PTPRN2: variants seen among roughly 807,000 people sequenced by gnomAD.
PTPRN2 encodes the protein receptor-type tyrosine-protein phosphatase N2.
In PTPRN2, 74 loss-of-function variants were observed where a neutral mutation model predicts 118.8. The ratio of observed to expected loss-of-function variants is 0.62; its 90% CI spans 0.52 to 0.76. The LOEUF (loss-of-function observed/expected upper bound fraction) is 0.76, where lower values mean the gene tolerates loss of function less well. Ranked by LOEUF, PTPRN2 falls within the 30% of genes least tolerant of loss-of-function variation. The pLI is 0.00. For missense variants in PTPRN2, 1,481 were observed against 1,394.4 expected, an observed-to-expected ratio of 1.06 and a Z score of -0.99; for synonymous variants, 641 against 608.0, an observed-to-expected ratio of 1.05 and a Z score of -0.80.
intron 2 of PTPRN2, among the ~76,000 whole-genome samples, chr7:158,426,068 G>A (rs866935362): frequency 2.5e-4 from 1 of 4,024 alleles, no homozygotes. Context: ...CGCGGGGTCC[G>A]AGTCCAGCCT....
In PTPRN2 at chr7:157,813,558, C is replaced by T. The variant is rs1806191230; in HGVS notation, c.1788+85115G>A. Among the ~76,000 whole-genome samples the T allele has an allele frequency of 6.6e-6, 1 of 152,160 alleles. No individual in the cohort carries two copies. The highest frequency in any genetic ancestry group is 2.4e-5 in the African/African-American group (1 of 41,424). ...TCCTACTCGTATAAAAAAGAAAGTT[C>T]AAATGCGCAGAAGAAAGATCAGAGG... On this transcript the variant is annotated intron_variant, in intron 12 of 22. Transcript: ENST00000389418. The surrounding 1 kb of genome is among the most constrained non-coding windows in gnomAD (Gnocchi z 4.7).
chr7:157,988,679 G>A (rs914007217), intron 11 of PTPRN2, among the ~76,000 whole-genome samples: 5 of 152,308 alleles, frequency 3.3e-5, no homozygotes, highest in Non-Finnish European at 4.4e-5. Context: ...GGATGCACAG[G>A]CGAGAAATGC....
At chr7:157,602,504 A>G (rs1202626611) in intron 16 of PTPRN2, among the ~76,000 whole-genome samples, 1 of 151,724 alleles carries the variant, frequency 6.6e-6, no homozygotes, top group Non-Finnish European at 1.5e-5. Context: ...CGCCGAGACC[A>G]GCAGAGCCGA....
intron 17 of PTPRN2, among the ~76,000 whole-genome samples, chr7:157,580,579 C>A (rs933827900): frequency 2.1e-5 from 3 of 144,436 alleles, no homozygotes; most frequent in African/African-American, 7.8e-5. Context: ...CATCCGAGCC[C>A]CTGCACACCC....
intron 11 of PTPRN2, among the ~76,000 whole-genome samples, chr7:158,079,779 C>T (rs989351634): frequency 2.0e-5 from 3 of 152,182 alleles, no homozygotes; most frequent in Non-Finnish European, 4.4e-5. Context: ...GTTGGGACCC[C>T]CCATTCCTCT....
At chr7:158,012,886 G>C (rs749090971) in intron 11 of PTPRN2, among the ~76,000 whole-genome samples, 1 of 152,242 alleles carries the variant, frequency 6.6e-6, no homozygotes, top group South Asian at 2.1e-4. Flanking sequence ...AGGGGTGACT[G>C]TGACCCAAAT....
At chr7:158,008,064 G>A (rs1805777656) in intron 11 of PTPRN2, among the ~76,000 whole-genome samples, 1 of 140,620 alleles carries the variant, frequency 7.1e-6, no homozygotes, top group African/African-American at 2.8e-5. Flanking sequence ...TGTGCTGTGT[G>A]TGGGTGTGCT....
chr7:158,090,244 T>A (rs537039062), intron 10 of PTPRN2, among the ~76,000 whole-genome samples: 1 of 137,208 alleles, frequency 7.3e-6, no homozygotes, highest in East Asian at 2.0e-4. Flanking sequence ...CTCAGAGGTG[T>A]GATACTCGAA....
chr7:158,332,770 C>T (rs1260313522), intron 2 of PTPRN2, among the ~76,000 whole-genome samples: 11 of 151,982 alleles, frequency 7.2e-5, no homozygotes, highest in African/African-American at 2.7e-4. Context: ...CACTCACACC[C>T]ATACTCTCAC....
In PTPRN2 at chr7:158,300,564, G is replaced by A. The variant is rs113087254; in HGVS notation, c.277+16255C>T. ...CCAATCTGCACGCCCACAGCGCCTCGCCCGCCACCCAGTCCCGCAGCGCCT... is the reference window on the plus strand; with the variant it reads ...CCAATCTGCACGCCCACAGCGCCTCACCCGCCACCCAGTCCCGCAGCGCCT... On this transcript the variant is annotated intron_variant, in intron 3 of 22. Coordinates refer to ENST00000389418, the MANE Select transcript of PTPRN2 (RefSeq NM_002847.5). 9.4e-3 allele frequency among the ~76,000 whole-genome samples: 1,426 copies of A among 151,986 alleles called. 26 individuals are homozygous for A. Among genetic ancestry groups the A allele is most frequent in the African/African-American group, 0.033 (1,361 of 41,496 alleles).
chr7:157,908,025 G>C (rs999996934), intron 11 of PTPRN2, among the ~76,000 whole-genome samples: 23 of 152,246 alleles, frequency 1.5e-4, no homozygotes, highest in Non-Finnish European at 2.9e-4. Context: ...CACAGCCGCA[G>C]AGCCGCCTTT....
intron 20 of PTPRN2, 95 bp from the exon 21 acceptor site, chr7:157,569,061 G>A (rs1470314415): frequency 5.0e-6 from 6 of 1,199,526 alleles, no homozygotes; most frequent in Non-Finnish European, 7.3e-6. Context: ...TCCTGCTTAC[G>A]GGGGCCGGCG....
chr7:157,750,281 CTTG>C (rs1314867870), intron 12 of PTPRN2, among the ~76,000 whole-genome samples: 4 of 152,124 alleles, frequency 2.6e-5, no homozygotes, highest in Admixed American at 6.5e-5. Flanking sequence ...TCTCTTGTTT[CTTG>C]TTGTGTGGTT....
chr7:158,157,086 G>A (rs1052237357), intron 6 of PTPRN2, among the ~76,000 whole-genome samples: 2 of 151,738 alleles, frequency 1.3e-5, no homozygotes, highest in South Asian at 2.1e-4. Context: ...AGCTCTGGAA[G>A]GCCTCCCCAT....
At chr7:157,820,489 TCA>T (rs777607224) in intron 12 of PTPRN2, among the ~76,000 whole-genome samples, 132 of 138,618 alleles carry the variant, frequency 9.5e-4, no homozygotes, top group Non-Finnish European at 1.4e-3. Flanking sequence ...ATACACGCAC[TCA>T]CAGCAGATCC....
In PTPRN2 at chr7:157,801,752, T is replaced by C. The variant is rs573639202; in HGVS notation, c.1788+96921A>G. Among the ~76,000 whole-genome samples, 3 of 152,292 alleles carry C rather than the reference T, an allele frequency of 2.0e-5. No homozygotes were observed. Among genetic ancestry groups the C allele is most frequent in the African/African-American group, 7.2e-5 (3 of 41,578 alleles). Reference sequence around the variant, plus strand: ...TGCTGAATGCCTCCACCGAGGGTTCTGGGAAGGAAAACGCCCGCTTAGTGG... The same window carrying C: ...TGCTGAATGCCTCCACCGAGGGTTCCGGGAAGGAAAACGCCCGCTTAGTGG... On this transcript the variant is annotated intron_variant, in intron 12 of 22. Coordinates refer to ENST00000389418, the MANE Select transcript of PTPRN2 (RefSeq NM_002847.5). The surrounding 1 kb of genome is among the most constrained non-coding windows in gnomAD (Gnocchi z 4.2).
Position 157,929,946 on chromosome 7 carries a change from G to A in PTPRN2, c.1724-31209C>T, listed in dbSNP as rs1256572331. Among the ~76,000 whole-genome samples the A allele has an allele frequency of 1.3e-5, 2 of 152,288 alleles. No homozygotes were observed. The highest frequency in any genetic ancestry group is 1.9e-4 in the East Asian group (1 of 5,170). On this transcript the variant is annotated intron_variant, in intron 11 of 22. Transcript: ENST00000389418. This position sits in a 1 kb window ranked among gnomAD's most constrained non-coding sequence, Gnocchi z 4.4. ...TGAAGCGAATTCAGTCCACATCAGC[G>A]GGTCCAAGCCTGGACCTAGACACCC...
At chr7:157,884,654 A>T (rs768667573) in intron 12 of PTPRN2, among the ~76,000 whole-genome samples, 1 of 152,224 alleles carries the variant, frequency 6.6e-6, no homozygotes, top group Non-Finnish European at 1.5e-5. Flanking sequence ...ACAAGGTCAG[A>T]GGCACATCTC....
chr7:158,201,023 T>C (rs1826602188), intron 4 of PTPRN2, among the ~76,000 whole-genome samples: 1 of 151,548 alleles, frequency 6.6e-6, no homozygotes, highest in Admixed American at 6.6e-5. Flanking sequence ...ATAATTCTTT[T>C]TAAAAATCAT....
Sources: gnomAD v4.1 joint callset for allele counts (sites outside exome capture counted in the v4.1 genomes callset) on GRCh38, gnomAD v4.1.1 for gene constraint, Gnocchi (gnomAD v3.1) non-coding constraint, MANE v1.5 for transcripts, NCBI Gene and HGNC (gene_info 2026-07-23, HGNC 2026-07-21) for gene names.